ZHX2: variants seen among roughly 807,000 people sequenced by gnomAD.
ZHX2 encodes zinc fingers and homeoboxes 2.
ZHX2 carries 6 observed loss-of-function variants against 21.9 expected under a neutral mutation model. That is an observed-to-expected ratio of 0.27 (90% CI 0.15 to 0.54). The LOEUF (loss-of-function observed/expected upper bound fraction) is 0.54, where lower values mean the gene tolerates loss of function less well. ZHX2 is among the 20% of genes least tolerant of loss of function. The probability of loss-of-function intolerance (pLI) is 0.95; values close to 1 mark genes in which losing one functional copy is unlikely to be tolerated. For missense variants in ZHX2, 908 were observed against 1,090.7 expected (o/e 0.83, Z 2.36); for synonymous variants, 434 against 437.1 (o/e 0.99, Z 0.09).
intron 1 of ZHX2, among the ~76,000 whole-genome samples, chr8:122,802,813 C>A (rs1188223568): frequency 6.6e-6 from 1 of 152,174 alleles, no homozygotes; most frequent in East Asian, 1.9e-4. Context: ...GCTGCCCTTC[C>A]ACGCTTCTCT....
At chr8:122,806,514 C>T (rs959027902) in intron 1 of ZHX2, among the ~76,000 whole-genome samples, 1 of 152,148 alleles carries the variant, frequency 6.6e-6, no homozygotes. Flanking sequence ...AGGGTCGTAG[C>T]AAAGAGATGG....
chr8:122,970,245 A>G (rs1813686367), intron 3 of ZHX2, among the ~76,000 whole-genome samples: 1 of 152,212 alleles, frequency 6.6e-6, no homozygotes, highest in Admixed American at 6.5e-5. Context: ...AAGCACTGCA[A>G]TGCTCTATAG....
chr8:122,803,838 C>T lies in ZHX2; in HGVS notation c.-283+21892C>T, dbSNP rs138479436. On this transcript the variant is annotated intron_variant, in intron 1 of 3. Coordinates refer to ENST00000314393, the MANE Select transcript of ZHX2 (RefSeq NM_014943.5). ...CCACCCCACATGATGAAATCAGAAT[C>T]TCTGGAATATGGGTGCACATTAGAG... is the stretch of plus-strand genomic sequence containing the variant. 4.6e-5 allele frequency among the ~76,000 whole-genome samples: 7 copies of T among 152,184 alleles called. No homozygotes were observed. In the East Asian group the frequency reaches 9.7e-4, roughly 21 times the overall value.
At chr8:122,860,473 ACACAATT>A (rs1378711873) in intron 1 of ZHX2, among the ~76,000 whole-genome samples, 1 of 152,272 alleles carries the variant, frequency 6.6e-6, no homozygotes, top group East Asian at 1.9e-4. Flanking sequence ...AGATTGCAGC[ACACAATT>A]CACAATTCAT....
chr8:122,813,879 G>A (rs1420123620), intron 1 of ZHX2, among the ~76,000 whole-genome samples: 1 of 152,114 alleles, frequency 6.6e-6, no homozygotes, highest in Non-Finnish European at 1.5e-5. Flanking sequence ...TGGCATTTAT[G>A]TAGTGCTTAT....
intron 2 of ZHX2, among the ~76,000 whole-genome samples, chr8:122,874,520 A>G (rs1240442704): frequency 3.3e-5 from 5 of 152,102 alleles, no homozygotes; most frequent in Non-Finnish European, 5.9e-5. Context: ...TTTAGTAGAG[A>G]TGGGGTTTCA....
intron 1 of ZHX2, among the ~76,000 whole-genome samples, chr8:122,794,080 C>A (rs954616198): frequency 6.6e-6 from 1 of 152,160 alleles, no homozygotes; most frequent in Non-Finnish European, 1.5e-5. Flanking sequence ...AGCTCTCTAC[C>A]CCAACCCCCT....
intron 2 of ZHX2, among the ~76,000 whole-genome samples, chr8:122,865,563 A>G (rs1189826162): frequency 6.6e-6 from 1 of 152,154 alleles, no homozygotes; most frequent in East Asian, 1.9e-4. Flanking sequence ...CCAGGGAGGC[A>G]ATGTCTGTGG....
intron 2 of ZHX2, among the ~76,000 whole-genome samples, chr8:122,935,883 A>C (rs1812672350): frequency 6.6e-6 from 1 of 152,120 alleles, no homozygotes; most frequent in South Asian, 2.1e-4. Context: ...ACCTCTCTGC[A>C]TAGCACTTAC....
chr8:122,794,536 G>A (rs1817583616), intron 1 of ZHX2, among the ~76,000 whole-genome samples: 1 of 152,126 alleles, frequency 6.6e-6, no homozygotes, highest in Non-Finnish European at 1.5e-5. Flanking sequence ...CAGTGGGAGT[G>A]GGTCAGACTA....
intron 3 of ZHX2, among the ~76,000 whole-genome samples, chr8:122,962,276 C>T (rs1025423551): frequency 1.3e-5 from 2 of 152,222 alleles, no homozygotes; most frequent in East Asian, 1.9e-4. Flanking sequence ...CCTGACCCCC[C>T]TCTCATCCTT....
intron 1 of ZHX2, among the ~76,000 whole-genome samples, chr8:122,785,718 CAGGG>C (rs919849037): frequency 1.3e-5 from 2 of 152,146 alleles, no homozygotes; most frequent in African/African-American, 4.8e-5. Context: ...GTTGAGTTGG[CAGGG>C]AGGGCATGTG....
intron 2 of ZHX2, among the ~76,000 whole-genome samples, chr8:122,865,760 T>G (rs1029611129): frequency 1.3e-5 from 2 of 152,228 alleles, no homozygotes; most frequent in Admixed American, 1.3e-4. Flanking sequence ...ATTCTTATTC[T>G]GGATGTGAGA....
upstream of ZHX2, chr8:122,781,195 G>C (rs1817271578): frequency 6.6e-6 from 1 of 152,340 alleles, no homozygotes; most frequent in African/African-American, 2.4e-5. This position sits in a 1 kb window ranked among gnomAD's most constrained non-coding sequence, Gnocchi z 4.6. Context: ...CCGGGGCCCG[G>C]GTACCGCCAG....
At chr8:122,948,902 G>T (rs541401420) in intron 2 of ZHX2, among the ~76,000 whole-genome samples, 7 of 152,126 alleles carry the variant, frequency 4.6e-5, no homozygotes, top group African/African-American at 1.7e-4. Flanking sequence ...TCAAGACAGG[G>T]AATCACTTTC....
chr8:122,836,345 C>A (rs1396668514), intron 1 of ZHX2, among the ~76,000 whole-genome samples: 1 of 152,190 alleles, frequency 6.6e-6, no homozygotes, highest in South Asian at 2.1e-4. Context: ...AGAGAGGCAA[C>A]TGGAGGCTGA....
intron 1 of ZHX2, among the ~76,000 whole-genome samples, chr8:122,804,948 G>A (rs1817794312): frequency 6.6e-6 from 1 of 152,182 alleles, no homozygotes; most frequent in Non-Finnish European, 1.5e-5. Context: ...TACGTGCATA[G>A]CATAAAACCA....
chr8:122,955,672 G>A (rs1295968392), intron 3 of ZHX2, among the ~76,000 whole-genome samples: 1 of 151,910 alleles, frequency 6.6e-6, no homozygotes, highest in Non-Finnish European at 1.5e-5. Context: ...TCAAGGGTGT[G>A]GGCACAACCC....
chr8:122,876,763 G>A (rs575847880), intron 2 of ZHX2, among the ~76,000 whole-genome samples: 68 of 152,294 alleles, frequency 4.5e-4, no homozygotes, highest in African/African-American at 1.6e-3. Context: ...GTCTTGAATC[G>A]AGTTGGATTG....
Sources: allele counts gnomAD v4.1 joint callset (sites outside exome capture counted in the v4.1 genomes callset), GRCh38; gene constraint gnomAD v4.1.1; non-coding constraint Gnocchi (gnomAD v3.1); transcripts MANE v1.5; gene names NCBI Gene and HGNC (gene_info 2026-07-23, HGNC 2026-07-21).